ARHGAP12: variants seen among roughly 807,000 people sequenced by gnomAD.
The protein encoded by ARHGAP12 is Rho GTPase activating protein 12.
Under a neutral mutation model 108.6 loss-of-function variants are expected in ARHGAP12, and 64 were observed. The ratio of observed to expected loss-of-function variants is 0.59; its 90% CI spans 0.48 to 0.73. The LOEUF (loss-of-function observed/expected upper bound fraction) is 0.73, where lower values mean the gene tolerates loss of function less well. Among genes scored for constraint, ARHGAP12 ranks in the 30% least tolerant of loss-of-function variants. ARHGAP12 has a pLI of 0.00. For synonymous variants in ARHGAP12, 312 were observed against 337.2 expected, an observed-to-expected ratio of 0.93 and a Z score of 0.82; for missense variants, 940 against 1,005.9, an observed-to-expected ratio of 0.93 and a Z score of 0.89.
intron 9 of ARHGAP12, among the ~76,000 whole-genome samples, chr10:31,833,649 A>G (rs1401130375): frequency 6.6e-6 from 1 of 152,222 alleles, no homozygotes; most frequent in Non-Finnish European, 1.5e-5. Context: ...ACGTACAAAT[A>G]CAAAGAACAA....
chr10:31,826,132 A>T (rs1835596602), intron 11 of ARHGAP12, among the ~76,000 whole-genome samples, 172 bp downstream of exon 11: 1 of 152,196 alleles, frequency 6.6e-6, no homozygotes, highest in South Asian at 2.1e-4. Flanking sequence ...TGTCCTACTT[A>T]GTCCTCTTTT....
At chr10:31,817,260 T>C (rs1013915364) in intron 13 of ARHGAP12, among the ~76,000 whole-genome samples, 3 of 151,950 alleles carry the variant, frequency 2.0e-5, no homozygotes, top group Non-Finnish European at 4.4e-5. Context: ...CTAACATACC[T>C]GCAGAATATA....
In ARHGAP12 at chr10:31,852,963, G is replaced by A. The variant is rs541211499; in HGVS notation, c.1090-366C>T. ...GGCTGGTATCGAAATCCTGACCTCC[G>A]GTGATCCGCCTGCCTCGGCCTCCCA... On this transcript the variant is annotated intron_variant, in intron 5 of 19. Transcript: ENST00000344936. Among the ~76,000 whole-genome samples, 138 of 152,036 alleles carry A rather than the reference G, an allele frequency of 9.1e-4. 1 individual carries two copies. Among genetic ancestry groups the A allele is most frequent in the Non-Finnish European group, 1.0e-4 (7 of 67,972 alleles).
chr10:31,902,171 T>A (rs1242010615), intron 3 of ARHGAP12, among the ~76,000 whole-genome samples: 2 of 152,038 alleles, frequency 1.3e-5, no homozygotes, highest in Non-Finnish European at 2.9e-5. Flanking sequence ...CTGCATGGTA[T>A]TAAAGAAAGG....
chr10:31,916,587 T>G (rs1839566845), intron 1 of ARHGAP12, among the ~76,000 whole-genome samples: 1 of 152,160 alleles, frequency 6.6e-6, no homozygotes, highest in Admixed American at 6.5e-5. Flanking sequence ...TCAAAAAAAG[T>G]AAACAGGTAA....
intron 3 of ARHGAP12, among the ~76,000 whole-genome samples, chr10:31,901,201 A>G (rs2132433212): frequency 6.7e-6 from 1 of 150,046 alleles, no homozygotes; most frequent in East Asian, 2.0e-4. Context: ...GGGTGACAGC[A>G]AGAATCCGTC....
At chr10:31,911,828 A>G (rs967834387) in intron 1 of ARHGAP12, among the ~76,000 whole-genome samples, 1 of 152,222 alleles carries the variant, frequency 6.6e-6, no homozygotes, top group Non-Finnish European at 1.5e-5. Flanking sequence ...ACAAATCCAG[A>G]ATGTGAGACA....
At chr10:31,841,434 C>A (rs566813680) in intron 7 of ARHGAP12, among the ~76,000 whole-genome samples, 2 of 152,234 alleles carry the variant, frequency 1.3e-5, no homozygotes, top group South Asian at 4.1e-4. Flanking sequence ...AGAAAACATA[C>A]TTGAAATTTT....
In ARHGAP12 at chr10:31,807,821, T is replaced by C; in HGVS notation, c.2378A>G (p.Asn793Ser). The C allele has an allele frequency of 6.5e-7, 1 of 1,534,256 alleles. No individual in the cohort carries two copies. The highest frequency in any genetic ancestry group is 8.7e-7 in the Non-Finnish European group (1 of 1,143,178). The change falls in exon 20 of 20, where the codon AAT becomes AGT. Residue 793 changes from asparagine to serine, a missense_variant. Coordinates refer to ENST00000344936, the MANE Select transcript of ARHGAP12 (RefSeq NM_018287.7). ...LFRHLRRVIE[N>S]GEKNRMTYQS... is the part of the protein sequence containing the mutation. ...ATAGGTCATTCGATTTTTCTCTCCATTTTCTATAACTCTGAAGGGAAAAAA... is the reference window on the plus strand; with the variant it reads ...ATAGGTCATTCGATTTTTCTCTCCACTTTCTATAACTCTGAAGGGAAAAAA...
intron 3 of ARHGAP12, among the ~76,000 whole-genome samples, chr10:31,896,218 C>A (rs575131038): frequency 6.7e-6 from 1 of 150,152 alleles, no homozygotes; most frequent in African/African-American, 2.4e-5. Flanking sequence ...TGCAGATGTA[C>A]CCAAGAACTT....
At chr10:31,905,345 C>T (rs1354122660) in intron 3 of ARHGAP12, among the ~76,000 whole-genome samples, 7 of 152,154 alleles carry the variant, frequency 4.6e-5, no homozygotes, top group Non-Finnish European at 1.0e-4. Flanking sequence ...ATCCTCCCAC[C>T]GCAGCCTCCT....
At position 31,807,726 on chromosome 10, in the gene ARHGAP12, G is replaced by C; in HGVS notation, c.2473C>G (p.His825Asp). The change falls in exon 20 of 20, where the codon CAT becomes GAT. Residue 825 changes from histidine to aspartate, a missense_variant. His to Asp is a moderately conservative substitution (Grantham distance 81). Coordinates refer to ENST00000344936, the MANE Select transcript of ARHGAP12 (RefSeq NM_018287.7). ...PEKETGNIAVHTVYQNQIVEL... is the reference protein window; with the variant it reads ...PEKETGNIAVDTVYQNQIVEL... ...ACAATCTGATTCTGGTACACAGTAT[G>C]AACTGCTATATTACCAGTCTCTTTT... 1 of 1,609,906 alleles carries C rather than the reference G, an allele frequency of 6.2e-7. No individual in the cohort carries two copies. Among genetic ancestry groups the C allele is most frequent in the Non-Finnish European group, 8.5e-7 (1 of 1,178,438 alleles).
chr10:31,822,992 AAATG>A, intron 11 of ARHGAP12, among the ~76,000 whole-genome samples: 2 of 152,330 alleles, frequency 1.3e-5, no homozygotes, highest in Middle Eastern at 3.4e-3. Context: ...AAGCATGTAC[AAATG>A]AATGTTTGAA....
intron 6 of ARHGAP12, among the ~76,000 whole-genome samples, chr10:31,848,955 C>A (rs1836567831): frequency 6.6e-6 from 1 of 151,896 alleles, no homozygotes; most frequent in Non-Finnish European, 1.5e-5. Flanking sequence ...CCTATAATCC[C>A]AGGTACGTAG....
At chr10:31,886,066 T>C (rs1216905977) in intron 3 of ARHGAP12, among the ~76,000 whole-genome samples, 1 of 152,190 alleles carries the variant, frequency 6.6e-6, no homozygotes, top group African/African-American at 2.4e-5. Flanking sequence ...ATAAAATTAT[T>C]TGAGTAGTCA....
At chr10:31,819,695 A>G (rs1332333960) in intron 12 of ARHGAP12, among the ~76,000 whole-genome samples, 1 of 152,142 alleles carries the variant, frequency 6.6e-6, no homozygotes, top group Non-Finnish European at 1.5e-5. Flanking sequence ...GGCCTAGCCA[A>G]CAGCTGGCAC....
intron 3 of ARHGAP12, among the ~76,000 whole-genome samples, chr10:31,900,756 T>A (rs993413796): frequency 1.3e-5 from 2 of 152,190 alleles, no homozygotes; most frequent in East Asian, 3.9e-4. Context: ...GTGCTGTAAT[T>A]GTGGATACCC....
At chr10:31,867,915 T>C (rs1271869167) in intron 3 of ARHGAP12, among the ~76,000 whole-genome samples, 1 of 150,958 alleles carries the variant, frequency 6.6e-6, no homozygotes, top group African/African-American at 2.4e-5. Flanking sequence ...AAAAAAAAAA[T>C]CTGGCCAGGC....
chr10:31,921,433 C>T (rs574388884), intron 1 of ARHGAP12, among the ~76,000 whole-genome samples: 3 of 152,236 alleles, frequency 2.0e-5, no homozygotes, highest in East Asian at 3.9e-4. Context: ...ATGACATAAG[C>T]TTCCACTCTA....
Sources: allele counts gnomAD v4.1 joint callset (sites outside exome capture counted in the v4.1 genomes callset), GRCh38; gene constraint gnomAD v4.1.1; transcripts MANE v1.5; gene names NCBI Gene and HGNC (gene_info 2026-07-23, HGNC 2026-07-21).